GLI3: variants seen among roughly 807,000 people sequenced by gnomAD.
GLI3 encodes the protein GLI family zinc finger 3, also known as transcription activator GLI3.
A neutral mutation model predicts 100.8 loss-of-function variants in GLI3; 20 were observed. The ratio of observed to expected loss-of-function variants is 0.20; its 90% CI spans 0.14 to 0.29. GLI3 has a LOEUF of 0.29. Among genes scored for constraint, GLI3 ranks in the 10% least tolerant of loss-of-function variants. The pLI is 1.00. For missense variants in GLI3, 2,040 were observed against 2,128.5 expected (o/e 0.96, Z 0.82); for synonymous variants, 938 against 860.5 (o/e 1.09, Z -1.58).
At position 41,978,456 on chromosome 7, in the gene GLI3, A is replaced by C. The variant is rs1275045481; in HGVS notation, c.1647+143T>G. On this transcript the variant is annotated intron_variant, in intron 11 of 14. Coordinates refer to ENST00000395925, the MANE Select transcript of GLI3 (RefSeq NM_000168.6). ...GTCCAACTCAGTCACTCAAACACCG[A>C]GGCATTTATCACCAGACAATACTCT... 5 of 808,194 alleles carry C rather than the reference A, an allele frequency of 6.2e-6. No homozygotes were observed. The East Asian group carries it at 1.2e-4, about 20-fold the overall frequency. 50.1% of individuals were successfully genotyped at this position (808,194 alleles called of 1,614,324 possible).
intron 10 of GLI3, among the ~76,000 whole-genome samples, chr7:41,990,261 T>A (rs1311545816): frequency 2.6e-5 from 4 of 152,106 alleles, no homozygotes; most frequent in Admixed American, 2.6e-4. Context: ...AGCACCAGTA[T>A]CTAGAAGTAC....
At chr7:42,054,979 A>G (rs1784422097) in intron 4 of GLI3, among the ~76,000 whole-genome samples, 1 of 151,280 alleles carries the variant, frequency 6.6e-6, no homozygotes, top group Non-Finnish European at 1.5e-5. Flanking sequence ...TGGGCAAGAG[A>G]GTGAGACCTT....
At chr7:42,176,628 T>C (rs1787485982) in intron 2 of GLI3, among the ~76,000 whole-genome samples, 1 of 152,272 alleles carries the variant, frequency 6.6e-6, no homozygotes, top group Admixed American at 6.5e-5. Flanking sequence ...AATCTGCTTC[T>C]TTAGCCCTAG....
chr7:42,183,770 A>G (rs1465527511), intron 2 of GLI3, among the ~76,000 whole-genome samples: 1 of 152,164 alleles, frequency 6.6e-6, no homozygotes, highest in Non-Finnish European at 1.5e-5. Flanking sequence ...GAGTCCATCC[A>G]CTTCCCTCCC....
Position 41,965,986 on chromosome 7 carries a change from G to C in GLI3, c.3087C>G (p.Ser1029Arg). ...PRVPRFSSLS[S>R]CNPPAMATSA... The stretch of plus-strand genomic sequence containing the variant: ...ACGTGGCCATCGCCGGGGGGTTGCA[G>C]CTGCTGAGGCTGCTGAAGCGCGGCA... Residue 1029 changes from serine (S) to arginine (R), a missense_variant, in exon 15 of 15, where the codon AGC (serine) becomes AGG (arginine). This residue lies in a region of GLI3 where 1,041 missense variants were observed against 924.0 expected (regional missense o/e 1.13). Coordinates refer to ENST00000395925, the MANE Select transcript of GLI3 (RefSeq NM_000168.6). The C allele has an allele frequency of 6.2e-7, 1 of 1,604,510 alleles. No individual in the cohort carries two copies. The highest frequency in any genetic ancestry group is 8.5e-7 in the Non-Finnish European group (1 of 1,179,268).
chr7:42,047,137 C>T (rs1784261833), intron 5 of GLI3, among the ~76,000 whole-genome samples: 1 of 152,198 alleles, frequency 6.6e-6, no homozygotes, highest in East Asian at 1.9e-4. Flanking sequence ...GCCTGGGGAA[C>T]AAAGTGAGAC....
chr7:42,010,198 C>T (rs1788572932), intron 10 of GLI3, among the ~76,000 whole-genome samples: 1 of 152,204 alleles, frequency 6.6e-6, no homozygotes, highest in African/African-American at 2.4e-5. Flanking sequence ...CTCCTGGGCA[C>T]CTGCTCCTGT....
chr7:42,148,113 A>C lies in GLI3; in HGVS notation c.367+113T>G. ...AATTACACCTTTTAATAAATTATAC[A>C]AGCCAAAACTTCATAAAGCGCGCAC... On this transcript the variant is annotated intron_variant, in intron 3 of 14. Coordinates refer to ENST00000395925, the MANE Select transcript of GLI3 (RefSeq NM_000168.6). The C allele has an allele frequency of 2.7e-6, 3 of 1,121,670 alleles. No individual in the cohort carries two copies. In the South Asian group the frequency reaches 5.6e-5, roughly 21 times the overall value. The allele number at this position is 1,121,670 out of a possible 1,614,324, so 69.5% of individuals were successfully genotyped here.
intron 4 of GLI3, among the ~76,000 whole-genome samples, chr7:42,049,632 G>C (rs945200223): frequency 3.3e-5 from 5 of 152,182 alleles, no homozygotes; most frequent in Admixed American, 6.5e-5. Flanking sequence ...TCTGCTTCTG[G>C]AGAGAGATTC....
chr7:42,084,948 A>G (rs1224182258), intron 3 of GLI3, among the ~76,000 whole-genome samples: 1 of 94,576 alleles, frequency 1.1e-5, no homozygotes, highest in Non-Finnish European at 1.9e-5. Flanking sequence ...GTCTCACTCT[A>G]TTGCCCAGGC....
intron 10 of GLI3, among the ~76,000 whole-genome samples, chr7:42,000,356 G>A (rs924373448): frequency 6.6e-6 from 1 of 152,112 alleles, no homozygotes; most frequent in Non-Finnish European, 1.5e-5. Flanking sequence ...TAGAAACAAT[G>A]TAAAATAAAT....
At chr7:42,118,913 G>A (rs913751647) in intron 3 of GLI3, among the ~76,000 whole-genome samples, 41 of 152,264 alleles carry the variant, frequency 2.7e-4, no homozygotes, top group Admixed American at 2.0e-3. Flanking sequence ...ACTCAGCATC[G>A]TGAAACCCAA....
chr7:42,192,822 G>A (rs745917771), intron 2 of GLI3, among the ~76,000 whole-genome samples: 2 of 152,156 alleles, frequency 1.3e-5, no homozygotes, highest in South Asian at 2.1e-4. Context: ...CCTTGAATTC[G>A]TGCCTTTGGC....
chr7:42,182,658 A>ATATATATATATATATATACATGTGTG (rs1554337016), intron 2 of GLI3, among the ~76,000 whole-genome samples: 2 of 56,016 alleles, frequency 3.6e-5, no homozygotes, highest in African/African-American at 2.1e-4. Context: ...ATATATATAT[A>ATATATATATATATATATACATGTGTG]TATATATATA....
chr7:42,172,674 T>C lies in GLI3; in HGVS notation c.125-24206A>G, dbSNP rs778570744. 3 of 700,662 alleles carry C rather than the reference T, an allele frequency of 4.3e-6. No homozygotes were observed. In the South Asian group the frequency reaches 4.5e-5, roughly 10 times the overall value. The allele number at this position is 700,662 out of a possible 1,614,324, so 43.4% of individuals were successfully genotyped here. The stretch of plus-strand genomic sequence containing the variant: ...CCTGGTCCAGCCTCTGGCCTGGGCC[T>C]CCAAATGGTTGCCTGGGAGAAGGGG... On this transcript the variant is annotated intron_variant, in intron 2 of 14. Coordinates refer to ENST00000395925, the MANE Select transcript of GLI3 (RefSeq NM_000168.6).
At position 42,182,658 on chromosome 7, in the gene GLI3, A is replaced by ATATATATATATATACATGTGTGTGTG. The variant is rs1554337017; in HGVS notation, c.125-34191_125-34190insCACACACACATGTATATATATATATA. On this transcript the variant is annotated intron_variant, in intron 2 of 14. Transcript: ENST00000395925. ...TATATGTGTGTGTATATATATATAT[A>ATATATATATATATACATGTGTGTGTG]TATATATATATATATATATATATAC... Among the ~76,000 whole-genome samples, 21 of 56,018 alleles carry ATATATATATATATACATGTGTGTGTG rather than the reference A, an allele frequency of 3.7e-4. No homozygotes were observed. The South Asian group carries it at 4.4e-3, about 12-fold the overall frequency. 36.7% of individuals were successfully genotyped at this position (56,018 alleles called of 152,430 possible). A position where few individuals can be genotyped will look rare whatever the true frequency, so the allele number is the denominator to read the frequency against.
intron 3 of GLI3, among the ~76,000 whole-genome samples, chr7:42,112,292 G>T (rs1785729580): frequency 6.6e-6 from 1 of 152,034 alleles, no homozygotes; most frequent in Admixed American, 6.5e-5. Context: ...ACAAGATTTG[G>T]GCTCAACTGT....
chr7:42,067,727 ACAGGTGCTTC>A (rs1161290831), intron 4 of GLI3, among the ~76,000 whole-genome samples: 1 of 152,138 alleles, frequency 6.6e-6, no homozygotes, highest in Non-Finnish European at 1.5e-5. Flanking sequence ...GGAACAATTT[ACAGGTGCTTC>A]CAGGCAATGA....
intron 1 of GLI3, among the ~76,000 whole-genome samples, chr7:42,233,321 A>G (rs2128706296): frequency 6.6e-6 from 1 of 152,350 alleles, no homozygotes; most frequent in South Asian, 2.1e-4. Flanking sequence ...CTGTTGCTGG[A>G]GCCAGGAACA....
Sources: allele counts gnomAD v4.1 joint callset (sites outside exome capture counted in the v4.1 genomes callset), GRCh38; gene constraint gnomAD v4.1.1; regional missense constraint gnomAD v4.1.1; transcripts MANE v1.5; gene names NCBI Gene and HGNC (gene_info 2026-07-23, HGNC 2026-07-21).